Variants in CRISP2 observed in about 807,000 individuals in gnomAD.
The protein encoded by CRISP2 is cysteine-rich secretory protein 2.
A neutral mutation model predicts 31.7 loss-of-function variants in CRISP2; 29 were observed. The observed-to-expected ratio is 0.92, with a 90% confidence interval of 0.68 to 1.25. CRISP2 has a LOEUF of 1.25. Among genes scored for constraint, CRISP2 ranks in the 50% most tolerant of loss-of-function variants. The probability of loss-of-function intolerance (pLI) is 0.00; values close to 1 mark genes in which losing one functional copy is unlikely to be tolerated. For missense variants in CRISP2, 318 were observed against 286.5 expected (o/e 1.11, Z -0.79); for synonymous variants, 111 against 101.4 (o/e 1.09, Z -0.57).
chr6:49,699,473 ACT>A (rs371445386), intron 6 of CRISP2, among the ~76,000 whole-genome samples: 205 of 152,194 alleles, frequency 1.3e-3, no homozygotes, highest in African/African-American at 4.7e-3. Context: ...CTAGTATGAC[ACT>A]GTTTCAGATT....
rs554431615 is a variant in CRISP2, at chr6:49,703,916, A to G, written c.67-3132T>C. 4.9e-5 allele frequency among the ~76,000 whole-genome samples: 7 copies of G among 143,442 alleles called. No individual in the cohort carries two copies. The South Asian group carries it at 1.4e-3, about 28-fold the overall frequency. 94.1% of individuals were successfully genotyped at this position (143,442 alleles called of 152,430 possible). ...TGTGTAGGTCTCTAGAGAGGCCAGG[A>G]AAGTTTTCCTCAATTATTCCCTCAA... On this transcript the variant is annotated intron_variant, in intron 4 of 9. Transcript: ENST00000339139.
chr6:49,678,478 C>G, the CRISP2 span, among the ~76,000 whole-genome samples: 1 of 152,038 alleles, frequency 6.6e-6, no homozygotes, highest in Non-Finnish European at 1.5e-5. Flanking sequence ...CCAGACGAAT[C>G]TGTACAATGG....
At chr6:49,683,834 A>G in the CRISP2 span, among the ~76,000 whole-genome samples, 2 of 150,172 alleles carry the variant, frequency 1.3e-5, no homozygotes, top group East Asian at 3.9e-4. Context: ...ACACATTTTC[A>G]TGAATACAGA....
chr6:49,701,590 T>C (rs183836406), intron 4 of CRISP2, among the ~76,000 whole-genome samples: 2 of 47,380 alleles, frequency 4.2e-5, no homozygotes, highest in Admixed American at 6.4e-4. Context: ...TGTGTGTGTA[T>C]ATATATACAC....
rs202130681 is a variant in CRISP2 at position 49,700,671 on chromosome 6, C to A, written c.180G>T (p.Lys60Asn). ...AVSPPASNML[K>N]MEWSREVTTN... is the part of the protein sequence containing the mutation. ...TCCTTACAGCACTGCCTCTTACCAT[C>A]TTTAGCATGTTACTGGCAGGTGGAG... Residue 60 changes from lysine (K) to asparagine (N), a missense_variant, in exon 5 of 10, where the codon AAG (lysine) becomes AAT (asparagine). Coordinates refer to ENST00000339139, the MANE Select transcript of CRISP2 (RefSeq NM_003296.4). 4 of 1,598,314 alleles carry A rather than the reference C, an allele frequency of 2.5e-6. No homozygotes were observed. Among genetic ancestry groups the A allele is most frequent in the Non-Finnish European group, 2.6e-6 (3 of 1,166,234 alleles).
Position 49,702,180 on chromosome 6 carries a change from T to A in CRISP2, c.67-1396A>T, listed in dbSNP as rs1348431954. Among the ~76,000 whole-genome samples the A allele has an allele frequency of 1.6e-3, 200 of 125,030 alleles. 3 individuals are homozygous for A. Among genetic ancestry groups the A allele is most frequent in the African/African-American group, 5.6e-3 (189 of 33,890 alleles). The allele number at this position is 125,030 out of a possible 152,430, so 82.0% of individuals were successfully genotyped here. On this transcript the variant is annotated intron_variant, in intron 4 of 9. Transcript: ENST00000339139. ...ATATATATATATATATATATATATA[T>A]ATAACATTTTCTTTATCCACTCATT...
intron 4 of CRISP2, among the ~76,000 whole-genome samples, chr6:49,703,226 T>C (rs182524226): frequency 1.3e-5 from 2 of 152,308 alleles, no homozygotes; most frequent in Non-Finnish European, 2.9e-5. Context: ...TATAGCCATG[T>C]AGTATAGTTT....
rs369302779 is a variant in CRISP2 at position 49,695,829 on chromosome 6, A to T, written c.604+7T>A. ...AAATAATAGCAAGCTAATCACTTCA[A>T]ACTTACTGCATAGTCCTTTGTCACA... On this transcript the variant is annotated splice_region_variant and intron_variant, in intron 9 of 9. Transcript: ENST00000339139. 6.3e-7 allele frequency: 1 copy of T among 1,591,858 alleles called. No homozygotes were observed. The highest frequency in any genetic ancestry group is 1.3e-5 in the African/African-American group (1 of 74,494).
At chr6:49,697,407 G>GTGTGTGTGTGTGTGTGTGTGTGTGTGTGT (rs970345647) in intron 8 of CRISP2, among the ~76,000 whole-genome samples, 9 of 151,154 alleles carry the variant, frequency 6.0e-5, no homozygotes, top group Admixed American at 2.6e-4. Context: ...TGTGTGTGGT[G>GTGTGTGTGTGTGTGTGTGTGTGTGTGTGT]GTGTGTGTGT....
intron 8 of CRISP2, among the ~76,000 whole-genome samples, chr6:49,696,879 T>C (rs1052687015): frequency 2.0e-5 from 3 of 152,142 alleles, no homozygotes; most frequent in African/African-American, 7.2e-5. Flanking sequence ...TCTAGTTCCC[T>C]TGGCTTCCCT....
intron 5 of CRISP2, among the ~76,000 whole-genome samples, 199 bp from the exon 6 acceptor site, chr6:49,700,090 A>T (rs1386485376): frequency 6.6e-6 from 1 of 152,170 alleles, no homozygotes. Context: ...AATATATCTA[A>T]AAAGCAAAAT....
the CRISP2 span, among the ~76,000 whole-genome samples, chr6:49,686,187 A>C: frequency 1.3e-5 from 2 of 152,258 alleles, no homozygotes; most frequent in South Asian, 4.1e-4. Flanking sequence ...CGTCCATATC[A>C]GCTCATAAAT....
In CRISP2 at chr6:49,695,293, T is replaced by C. The variant is rs1390579584; in HGVS notation, c.604+543A>G. Among the ~76,000 whole-genome samples, 4 of 152,160 alleles carry C rather than the reference T, an allele frequency of 2.6e-5. No individual in the cohort carries two copies. The South Asian group carries it at 6.2e-4, about 24-fold the overall frequency. The stretch of plus-strand genomic sequence containing the variant: ...TATAGATTGAGTTTTGTCATAAAAA[T>C]GTACACAAAACAATTATGAAATTAT... On this transcript the variant is annotated intron_variant, in intron 9 of 9. Transcript: ENST00000339139.
chr6:49,692,775 A>C lies in CRISP2; in HGVS notation c.730T>G (p.Ter244GlyextTer3), dbSNP rs1381092146. The C allele has an allele frequency of 6.2e-7, 1 of 1,612,844 alleles. No homozygotes were observed. The highest frequency in any genetic ancestry group is 2.2e-5 in the East Asian group (1 of 44,830). Residue 244 changes from the stop codon to glycine (G), a stop_lost, in exon 10 of 10, where the codon TGA (stop) becomes GGA (glycine). Transcript: ENST00000339139. The stretch of plus-strand genomic sequence containing the variant: ...TTGCACAATGCTCACTAGGTAAATC[A>C]GTAAATTTTGTTCTCACATAGGCAA... ...ATCLCENKIY* is the reference protein window; with the variant it reads ...ATCLCENKIYG
the CRISP2 span, among the ~76,000 whole-genome samples, chr6:49,682,577 CTTTCTTTCTTTTTCTTTCTT>C: frequency 8.2e-5 from 8 of 97,890 alleles, no homozygotes; most frequent in African/African-American, 2.8e-4. Context: ...CTTTCTTTTT[CTTTCTTTCTTTTTCTTTCTT>C]TCTTTCTTTC....
chr6:49,702,764 G>T (rs1176779514), intron 4 of CRISP2, among the ~76,000 whole-genome samples: 1 of 151,984 alleles, frequency 6.6e-6, no homozygotes, highest in Admixed American at 6.6e-5. Context: ...TGTTTACTCT[G>T]CTGATTATTT....
chr6:49,704,879 G>A (rs1017578926), intron 4 of CRISP2, among the ~76,000 whole-genome samples: 1 of 152,212 alleles, frequency 6.6e-6, no homozygotes, highest in African/African-American at 2.4e-5. Flanking sequence ...TGGTTAGCCA[G>A]GATGTTACAG....
intron 8 of CRISP2, among the ~76,000 whole-genome samples, chr6:49,697,326 C>A (rs1036723299): frequency 2.6e-5 from 4 of 152,022 alleles, no homozygotes; most frequent in Non-Finnish European, 5.9e-5. Flanking sequence ...GTTATCTTTT[C>A]TGTATTCTGA....
At chr6:49,677,326 T>C in the CRISP2 span, among the ~76,000 whole-genome samples, 1 of 152,302 alleles carries the variant, frequency 6.6e-6, no homozygotes, top group Admixed American at 6.5e-5. Flanking sequence ...CAACTTACCA[T>C]ATTGAAATAA....
Sources: allele counts gnomAD v4.1 joint callset (sites outside exome capture counted in the v4.1 genomes callset), GRCh38; gene constraint gnomAD v4.1.1; transcripts MANE v1.5; gene names NCBI Gene and HGNC (gene_info 2026-07-23, HGNC 2026-07-21).